ANKHD1: variants seen among roughly 807,000 people sequenced by gnomAD.
ANKHD1 encodes ankyrin repeat and KH domain-containing protein 1.
In ANKHD1, 31 loss-of-function variants were observed where a neutral mutation model predicts 230.5. The ratio of observed to expected loss-of-function variants is 0.13; its 90% CI spans 0.10 to 0.18. ANKHD1 has a LOEUF of 0.18. Among genes scored for constraint, ANKHD1 ranks in the 10% least tolerant of loss-of-function variants. The probability of loss-of-function intolerance (pLI) is 1.00; values close to 1 mark genes in which losing one functional copy is unlikely to be tolerated. For missense variants in ANKHD1, 2,256 were observed against 3,071.3 expected (o/e 0.73, Z 6.27); for synonymous variants, 1,074 against 1,117.6 (o/e 0.96, Z 0.78).
Position 140,485,683 on chromosome 5 carries a change from C to T in ANKHD1, c.2093C>T (p.Pro698Leu). 1.2e-6 allele frequency: 2 copies of T among 1,614,026 alleles called. No homozygotes were observed. Among genetic ancestry groups the T allele is most frequent in the Non-Finnish European group, 1.7e-6 (2 of 1,179,986 alleles). Residue 698 changes from proline (P) to leucine (L), a missense_variant, in exon 13 of 34, where the codon CCC becomes CTC. Transcript: ENST00000360839. This position sits in a 1 kb window ranked among gnomAD's most constrained non-coding sequence, Gnocchi z 4.8. ...LDYPNNVLSVPTTDVSQLPPP... is the reference protein window; with the variant it reads ...LDYPNNVLSVLTTDVSQLPPP... ...TATCCAAATAATGTTCTGTCAGTTC[C>T]CACCACAGATGTGTCTCAGCTCCCT... is the stretch of plus-strand genomic sequence containing the variant.
At chr5:140,410,959 G>C (rs1250096244) in intron 1 of ANKHD1, among the ~76,000 whole-genome samples, 1 of 152,122 alleles carries the variant, frequency 6.6e-6, no homozygotes, top group Admixed American at 6.5e-5. Flanking sequence ...GTAAAGGTGG[G>C]ATTTGAATGT....
intron 5 of ANKHD1, among the ~76,000 whole-genome samples, chr5:140,443,055 G>A (rs1310828335): frequency 4.6e-5 from 7 of 151,696 alleles, no homozygotes; most frequent in African/African-American, 1.5e-4. Context: ...ACAGGTGCCC[G>A]CCACCACGCC....
chr5:140,517,591 T>C (rs1753089988), intron 24 of ANKHD1, among the ~76,000 whole-genome samples: 1 of 93,790 alleles, frequency 1.1e-5, no homozygotes, highest in Non-Finnish European at 2.1e-5. Context: ...ACAAACTATC[T>C]CTCAGACCAC....
chr5:140,439,172 C>A (rs892566667), intron 3 of ANKHD1, among the ~76,000 whole-genome samples: 2 of 152,052 alleles, frequency 1.3e-5, no homozygotes, highest in Admixed American at 1.3e-4. Context: ...GTTAGTCATT[C>A]TGTGGTAAAA....
intron 24 of ANKHD1, among the ~76,000 whole-genome samples, chr5:140,518,235 C>G (rs1425707573): frequency 1.3e-5 from 2 of 151,936 alleles, no homozygotes; most frequent in African/African-American, 4.8e-5. Context: ...AAGACTAAAC[C>G]AGGAAGAAGT....
intron 14 of ANKHD1, among the ~76,000 whole-genome samples, chr5:140,493,937 G>A (rs1751918951): frequency 6.6e-6 from 1 of 152,138 alleles, no homozygotes; most frequent in South Asian, 2.1e-4. Flanking sequence ...GTCCAGTGGG[G>A]TCATAACATA....
intron 14 of ANKHD1, among the ~76,000 whole-genome samples, chr5:140,490,263 T>C (rs1405535142): frequency 1.3e-5 from 2 of 152,220 alleles, no homozygotes; most frequent in African/African-American, 4.8e-5. Context: ...AACATTTTAC[T>C]CCTGTCTGTT....
rs184203996 is a variant in ANKHD1, at chr5:140,485,328, G to A, written c.1998+80G>A. On this transcript the variant is annotated intron_variant, in intron 12 of 33. Transcript: ENST00000360839. This position sits in a 1 kb window ranked among gnomAD's most constrained non-coding sequence, Gnocchi z 4.8. ...TCCCAGCACTTTAGAAAGCTGAGGC[G>A]GGTGGATCACTTGAGCCCAGGAGTT... 15 of 1,499,920 alleles carry A rather than the reference G, an allele frequency of 1.0e-5. No homozygotes were observed. The East Asian group carries it at 2.4e-4, about 24-fold the overall frequency. The allele number at this position is 1,499,920 out of a possible 1,614,324, so 92.9% of individuals were successfully genotyped here.
Position 140,523,774 on chromosome 5 carries a change from T to A in ANKHD1, c.4318-292T>A, listed in dbSNP as rs570888086. On this transcript the variant is annotated intron_variant, in intron 24 of 33. Transcript: ENST00000360839. ...TGAGGTTTCGCCATGTTGGCTACAT[T>A]AGTCTCGAACTCCTGACCTCAGGTA... Among the ~76,000 whole-genome samples, 6 of 152,236 alleles carry A rather than the reference T, an allele frequency of 3.9e-5. No homozygotes were observed. The East Asian group carries it at 1.2e-3, about 29-fold the overall frequency.
chr5:140,500,695 A>G (rs1190374140), intron 15 of ANKHD1, among the ~76,000 whole-genome samples: 1 of 151,468 alleles, frequency 6.6e-6, no homozygotes, highest in East Asian at 1.9e-4. Context: ...AGCTTAGGGA[A>G]ATTAAGTTGC....
chr5:140,527,873 G>T lies in ANKHD1; in HGVS notation c.5088G>T (p.Arg1696Ser). The change falls in exon 28 of 34, where the codon AGG becomes AGT. Residue 1696 changes from arginine to serine, a missense_variant and splice_region_variant. Physicochemically the swap from Arg to Ser is moderately radical, Grantham distance 110 (BLOSUM62 -1). Transcript: ENST00000360839. This position sits in a 1 kb window ranked among gnomAD's most constrained non-coding sequence, Gnocchi z 4.5. The stretch of plus-strand genomic sequence containing the variant: ...CTCATGTGTATTCTTCATTTTATAG[G>T]TCAAAGAAATTGTCTGTTCCAGCCT... ...REEGWKEVVR[R>S]SKKLSVPASV... 1 of 1,610,942 alleles carries T rather than the reference G, an allele frequency of 6.2e-7. No homozygotes were observed. Among genetic ancestry groups the T allele is most frequent in the Non-Finnish European group, 8.5e-7 (1 of 1,178,692 alleles).
chr5:140,494,345 CAGAA>C (rs1364993507), intron 14 of ANKHD1, among the ~76,000 whole-genome samples: 5 of 152,064 alleles, frequency 3.3e-5, no homozygotes, highest in African/African-American at 1.2e-4. Flanking sequence ...CATTTTTACT[CAGAA>C]AGAAATATAA....
At chr5:140,431,550 C>T (rs1773046437) in intron 1 of ANKHD1, among the ~76,000 whole-genome samples, 1 of 152,134 alleles carries the variant, frequency 6.6e-6, no homozygotes, top group Non-Finnish European at 1.5e-5. Context: ...TTCAGGATTT[C>T]AATAGCACTG....
At chr5:140,417,332 G>A (rs951331204) in intron 1 of ANKHD1, among the ~76,000 whole-genome samples, 15 of 151,542 alleles carry the variant, frequency 9.9e-5, no homozygotes, top group African/African-American at 3.6e-4. Context: ...TGACAAAGGA[G>A]CAAATCCCAA....
At chr5:140,534,759 CA>C (rs1319254563) in intron 29 of ANKHD1, among the ~76,000 whole-genome samples, 1 of 152,060 alleles carries the variant, frequency 6.6e-6, no homozygotes, top group African/African-American at 2.4e-5. Context: ...CCAGAGAAAG[CA>C]ATGGAATTTG....
At chr5:140,462,421 A>G (rs568593491) in intron 9 of ANKHD1, among the ~76,000 whole-genome samples, 20 of 152,262 alleles carry the variant, frequency 1.3e-4, no homozygotes, top group African/African-American at 4.8e-4. Flanking sequence ...TAAATTAAAT[A>G]CAAATCATCA....
chr5:140,462,724 C>CAAAAAAA (rs70988762), intron 9 of ANKHD1, among the ~76,000 whole-genome samples: 4 of 89,032 alleles, frequency 4.5e-5, no homozygotes, highest in Non-Finnish European at 4.2e-5. Context: ...GACTCCATCT[C>CAAAAAAA]AAAAAAAAAA....
Position 140,402,258 on chromosome 5 carries a change from G to T in ANKHD1, c.291G>T (p.Glu97Asp), listed in dbSNP as rs572858796. 1.3e-6 allele frequency: 2 copies of T among 1,496,976 alleles called. No homozygotes were observed. The highest frequency in any genetic ancestry group is 2.5e-5 in the South Asian group (2 of 80,058). 92.7% of individuals were successfully genotyped at this position (1,496,976 alleles called of 1,614,324 possible). Residue 97 changes from glutamate (E) to aspartate (D), a missense_variant, in exon 1 of 34, where the codon GAG becomes GAT. Transcript: ENST00000360839. ...GAGGTGGTGCCTCTGGCAGTGACGA[G>T]GACGAAGTGTCCGAGGTAAGGCTCC... The part of the protein sequence containing the change: ...GGGGGASGSD[E>D]DEVSEVESFI...
chr5:140,509,348 TTATC>T (rs1218954914), intron 20 of ANKHD1, among the ~76,000 whole-genome samples: 1 of 152,220 alleles, frequency 6.6e-6, no homozygotes, highest in African/African-American at 2.4e-5. Context: ...TGCAAAGAAA[TTATC>T]TGAGTAAATT....
Sources: allele counts gnomAD v4.1 joint callset (sites outside exome capture counted in the v4.1 genomes callset), GRCh38; gene constraint gnomAD v4.1.1; non-coding constraint Gnocchi (gnomAD v3.1); transcripts MANE v1.5; gene names NCBI Gene and HGNC (gene_info 2026-07-23, HGNC 2026-07-21).